EIF3A: variants seen among roughly 807,000 people sequenced by gnomAD.
EIF3A encodes the protein eukaryotic translation initiation factor 3 subunit A, also known as EIF3, p180 subunit.
A neutral mutation model predicts 186.6 loss-of-function variants in EIF3A; 21 were observed. That is an observed-to-expected ratio of 0.11 (90% CI 0.08 to 0.16). The LOEUF (loss-of-function observed/expected upper bound fraction) is 0.16, where lower values mean the gene tolerates loss of function less well. Among genes scored for constraint, EIF3A ranks in the 10% least tolerant of loss-of-function variants. The pLI, the probability that EIF3A is intolerant of heterozygous loss-of-function variation, is 1.00. For missense variants in EIF3A, 1,306 were observed against 1,796.3 expected (o/e 0.73, Z 4.93); for synonymous variants, 563 against 584.3 (o/e 0.96, Z 0.52).
chr10:119,052,842 C>T (rs535961579), intron 14 of EIF3A, among the ~76,000 whole-genome samples: 1 of 152,328 alleles, frequency 6.6e-6, no homozygotes, highest in African/African-American at 2.4e-5. Flanking sequence ...CAAATGGCAT[C>T]TGGAATAAAG....
Position 119,062,244 on chromosome 10 carries a change from G to C in EIF3A, c.1123-916C>G, listed in dbSNP as rs566855340. The stretch of plus-strand genomic sequence containing the variant: ...CCAGCTCTAATTTCATTCCTATCAA[G>C]TTATTTTAGATTCTTCATGCAGTCC... On this transcript the variant is annotated intron_variant, in intron 7 of 21. Transcript: ENST00000369144. Among the ~76,000 whole-genome samples, 11 of 152,064 alleles carry C rather than the reference G, an allele frequency of 7.2e-5. No homozygotes were observed. The South Asian group carries it at 2.3e-3, about 32-fold the overall frequency.
Position 119,061,066 on chromosome 10 carries a change from A to T in EIF3A, c.1227+158T>A, listed in dbSNP as rs3736447. On this transcript the variant is annotated intron_variant, in intron 8 of 21. Coordinates refer to ENST00000369144, the MANE Select transcript of EIF3A (RefSeq NM_003750.4). Reference sequence around the variant, plus strand: ...CAAAGGTTTGCTGAGCACATCAGATATATCTTTTCTCTTGAAATAAAGAAA... The same window carrying T: ...CAAAGGTTTGCTGAGCACATCAGATTTATCTTTTCTCTTGAAATAAAGAAA... 4 of 572,508 alleles carry T rather than the reference A, an allele frequency of 7.0e-6. No individual in the cohort carries two copies. In the African/African-American group the frequency reaches 7.7e-5, roughly 11 times the overall value. 35.5% of individuals were successfully genotyped at this position (572,508 alleles called of 1,614,324 possible).
chr10:119,056,690 A>C, intron 14 of EIF3A, 50 bp downstream of exon 14: 1 of 1,196,248 alleles, frequency 8.4e-7, no homozygotes, highest in Non-Finnish European at 1.2e-6. Context: ...CATTACTGGC[A>C]GAGGATTTTA....
In EIF3A at chr10:119,057,188, C is replaced by G. The variant is rs1589690580; in HGVS notation, c.1978-148G>C. Reference sequence around the variant, plus strand: ...GAAATGTAAAAATATTATACAATAGCCTTATTTCCATTTGACCATAAGGAA... The same window carrying G: ...GAAATGTAAAAATATTATACAATAGGCTTATTTCCATTTGACCATAAGGAA... On this transcript the variant is annotated intron_variant, in intron 12 of 21. Transcript: ENST00000369144. 6.7e-6 allele frequency: 4 copies of G among 596,512 alleles called. No homozygotes were observed. The South Asian group carries it at 8.8e-5, about 13-fold the overall frequency. The allele number at this position is 596,512 out of a possible 1,614,324, so 37.0% of individuals were successfully genotyped here.
chr10:119,069,804 T>A, intron 5 of EIF3A, 150 bp from the exon 6 acceptor site: 2 of 603,220 alleles, frequency 3.3e-6, no homozygotes, highest in Non-Finnish European at 5.8e-6. Flanking sequence ...ATATCTATTT[T>A]AGAAAACTGC....
chr10:119,076,210 G>A (rs907312789), intron 1 of EIF3A, among the ~76,000 whole-genome samples: 3 of 150,946 alleles, frequency 2.0e-5, no homozygotes, highest in Admixed American at 6.6e-5. Flanking sequence ...ATGCACGCCC[G>A]TAATCCTAGC....
Position 119,060,812 on chromosome 10 carries a change from C to G in EIF3A, c.1260G>C (p.Lys420Asn). ...VLNWVREQPE[K>N]EPELQQYVPQ... ...GCACATACTGCTGCAATTCCGGTTC[C>G]TTTTCAGGTTGTTCCCTAACCCAAT... Residue 420 changes from lysine (K) to asparagine (N), a missense_variant, in exon 9 of 22, where the codon AAG (lysine) becomes AAC (asparagine). Lys to Asn is a moderately conservative substitution (Grantham distance 94, BLOSUM62 0). This residue lies in a region of EIF3A where 267 missense variants were observed against 367.8 expected (regional missense o/e 0.73). Transcript: ENST00000369144. The G allele has an allele frequency of 6.2e-7, 1 of 1,611,706 alleles. No homozygotes were observed. Among genetic ancestry groups the G allele is most frequent in the Non-Finnish European group, 8.5e-7 (1 of 1,178,992 alleles).
At chr10:119,046,965 G>GAAAATAAAAGTGAACCTAAAGGCCAGGCC (rs1848289806) in intron 17 of EIF3A, among the ~76,000 whole-genome samples, 2 of 149,640 alleles carry the variant, frequency 1.3e-5, no homozygotes, top group African/African-American at 2.5e-5. Context: ...ATGGAATAGA[G>GAAAATAAAAGTGAACCTAAAGGCCAGGCC]AAAATAAAAG....
intron 12 of EIF3A, 134 bp from the exon 13 acceptor site, chr10:119,057,174 A>T (rs1843795547): frequency 1.6e-6 from 1 of 607,162 alleles, no homozygotes; most frequent in African/African-American, 1.9e-5. Flanking sequence ...AAATGTAAAA[A>T]TATTATACAA....
intron 16 of EIF3A, 36 bp from the exon 17 acceptor site, chr10:119,050,021 A>G (rs1167368620): frequency 6.3e-7 from 1 of 1,598,454 alleles, no homozygotes; most frequent in South Asian, 1.1e-5. Flanking sequence ...TGTGCCTCCC[A>G]GCCATATCTT....
At chr10:119,048,634 G>A (rs550956990) in intron 17 of EIF3A, among the ~76,000 whole-genome samples, 1 of 152,084 alleles carries the variant, frequency 6.6e-6, no homozygotes, top group Admixed American at 6.5e-5. Context: ...TAAGTACCAA[G>A]GAGCTACAGA....
At chr10:119,038,145 G>T in intron 20 of EIF3A, 93 bp downstream of exon 20, 2 of 1,118,104 alleles carry the variant, frequency 1.8e-6, no homozygotes, top group South Asian at 2.6e-5. Context: ...TCGAACTCCT[G>T]AACTCAGGTG....
rs143349270 is a variant in EIF3A at position 119,046,813 on chromosome 10, C to T, written c.2659-2671G>A. 5.3e-3 allele frequency among the ~76,000 whole-genome samples: 804 copies of T among 151,898 alleles called. 20 individuals are homozygous for T. The East Asian group carries it at 0.065, about 12-fold the overall frequency. On this transcript the variant is annotated intron_variant, in intron 17 of 21. Coordinates refer to ENST00000369144, the MANE Select transcript of EIF3A (RefSeq NM_003750.4). Reference sequence around the variant, plus strand: ...TCTCTACTAAAAATACAAAATTAGCCGGGCATGGTGGCACATGCCTGTAAT... The same window carrying T: ...TCTCTACTAAAAATACAAAATTAGCTGGGCATGGTGGCACATGCCTGTAAT...
chr10:119,071,034 C>G lies in EIF3A; in HGVS notation c.593G>C (p.Cys198Ser). The G allele has an allele frequency of 5.6e-6, 9 of 1,614,134 alleles. No homozygotes were observed. The highest frequency in any genetic ancestry group is 7.6e-6 in the Non-Finnish European group (9 of 1,180,002). Residue 198 changes from cysteine (C) to serine (S), a missense_variant, in exon 5 of 22, where the codon TGT becomes TCT. By Grantham distance (112) the Cys-to-Ser change is moderately radical. Coordinates refer to ENST00000369144, the MANE Select transcript of EIF3A (RefSeq NM_003750.4). Reference protein sequence around the residue: ...YTRKAEFRKLCDNLRMHLSQI... With the variant: ...YTRKAEFRKLSDNLRMHLSQI... The stretch of plus-strand genomic sequence containing the variant: ...CGATAAGTGCATTCTCAAATTGTCA[C>G]ACAGTTTACGGAATTCAGCCTTACG...
rs966821393 is a variant in EIF3A at position 119,060,618 on chromosome 10, G to A, written c.1326+128C>T. The A allele has an allele frequency of 8.6e-6, 5 of 583,480 alleles. No individual in the cohort carries two copies. The Admixed American group carries it at 1.3e-4, about 15-fold the overall frequency. 36.1% of individuals were successfully genotyped at this position (583,480 alleles called of 1,614,324 possible). ...ATTCTGATTTTCAAATTAATAAATA[G>A]ACTAATTTTTGCCAGGGGCAGAACT... On this transcript the variant is annotated intron_variant, in intron 9 of 21. Coordinates refer to ENST00000369144, the MANE Select transcript of EIF3A (RefSeq NM_003750.4).
At chr10:119,076,841 CTT>C (rs1564762953) in intron 1 of EIF3A, among the ~76,000 whole-genome samples, 1 of 148,702 alleles carries the variant, frequency 6.7e-6, no homozygotes, top group African/African-American at 2.5e-5. Flanking sequence ...GAGGCTGAGA[CTT>C]TAGAATCACT....
rs1231619439 is a variant in EIF3A, at chr10:119,054,782, C to G, written c.2196+1958G>C. ...TTCACAACTTGATTAGTGCAAGAGG[C>G]CTAGCTTTCAACATGCCTTCCTCAC... On this transcript the variant is annotated intron_variant, in intron 14 of 21. Transcript: ENST00000369144. 1.3e-5 allele frequency among the ~76,000 whole-genome samples: 2 copies of G among 151,946 alleles called. 1 individual carries two copies. Among genetic ancestry groups the G allele is most frequent in the East Asian group, 3.9e-4 (2 of 5,158 alleles).
At chr10:119,080,156 G>A (rs1844239845) in intron 1 of EIF3A, among the ~76,000 whole-genome samples, 1 of 152,172 alleles carries the variant, frequency 6.6e-6, no homozygotes, top group Non-Finnish European at 1.5e-5. Context: ...GGGTCCGTAG[G>A]GCTCCCGGCC....
intron 17 of EIF3A, among the ~76,000 whole-genome samples, chr10:119,044,888 G>A (rs1473560708): frequency 1.3e-5 from 2 of 151,576 alleles, no homozygotes; most frequent in Non-Finnish European, 2.9e-5. Context: ...CTAAGAATAA[G>A]CTACAGTCTC....
Sources: allele counts gnomAD v4.1 joint callset (sites outside exome capture counted in the v4.1 genomes callset), GRCh38; gene constraint gnomAD v4.1.1; regional missense constraint gnomAD v4.1.1; transcripts MANE v1.5; gene names NCBI Gene and HGNC (gene_info 2026-07-23, HGNC 2026-07-21).